The following GATAD2A variants were observed in gnomAD, a reference collection of about 807,000 sequenced individuals.
GATAD2A encodes the protein transcriptional repressor p66-alpha.
A neutral mutation model predicts 68.5 loss-of-function variants in GATAD2A; 12 were observed. The observed-to-expected ratio is 0.18, with a 90% CI of 0.11 to 0.28. The LOEUF is 0.28. Among genes scored for constraint, GATAD2A ranks in the 10% least tolerant of loss-of-function variants. The pLI, the probability that GATAD2A is intolerant of heterozygous loss-of-function variation, is 1.00. For missense variants in GATAD2A, 755 were observed against 868.5 expected (o/e 0.87, Z 1.64); for synonymous variants, 410 against 375.3 (o/e 1.09, Z -1.07).
At chr19:19,418,804 T>TG (rs1225285121) in intron 1 of GATAD2A, among the ~76,000 whole-genome samples, 1 of 152,128 alleles carries the variant, frequency 6.6e-6, no homozygotes, top group Non-Finnish European at 1.5e-5. Context: ...GGTGTCCCGC[T>TG]GTGACACTGG....
intron 3 of GATAD2A, 37 bp downstream of exon 3, chr19:19,492,475 T>G: frequency 6.2e-7 from 1 of 1,613,540 alleles, no homozygotes; most frequent in Non-Finnish European, 8.5e-7. Context: ...GGAGCCCCAC[T>G]GTGCCCTTCC....
At chr19:19,499,948 A>C (rs1339253991) in intron 8 of GATAD2A, among the ~76,000 whole-genome samples, 1 of 152,188 alleles carries the variant, frequency 6.6e-6, no homozygotes, top group African/African-American at 2.4e-5. Flanking sequence ...CCTTTTCGAC[A>C]AGGTGATGTC....
chr19:19,468,109 A>G (rs1199068700), intron 2 of GATAD2A, among the ~76,000 whole-genome samples: 1 of 152,240 alleles, frequency 6.6e-6, no homozygotes, highest in African/African-American at 2.4e-5. Context: ...CAATCTGAGA[A>G]GTATTTATGC....
upstream of GATAD2A, among the ~76,000 whole-genome samples, chr19:19,404,324 C>T (rs1198090156): frequency 2.6e-5 from 4 of 151,236 alleles, no homozygotes; most frequent in Admixed American, 6.6e-5. Flanking sequence ...TTCAGGTTTG[C>T]GGTTGAGACC....
intron 1 of GATAD2A, among the ~76,000 whole-genome samples, chr19:19,427,067 A>G (rs996935494): frequency 6.6e-6 from 1 of 151,794 alleles, no homozygotes; most frequent in African/African-American, 2.4e-5. Context: ...GATTGCACCT[A>G]TATGAGGTTC....
At chr19:19,396,799 C>G (rs1028207341) in intron 1 of GATAD2A, among the ~76,000 whole-genome samples, 1 of 152,146 alleles carries the variant, frequency 6.6e-6, no homozygotes, top group Non-Finnish European at 1.5e-5. Flanking sequence ...ACCTCCACCT[C>G]CTGGGTTCAA....
intron 11 of GATAD2A, 25 bp downstream of exon 11, chr19:19,502,551 C>T (rs1307271914): frequency 1.3e-6 from 2 of 1,553,318 alleles, no homozygotes; most frequent in Non-Finnish European, 1.8e-6. Context: ...CAGGGCTCCC[C>T]AGGGGACCTG....
At chr19:19,484,653 C>T (rs2059311982) in intron 2 of GATAD2A, among the ~76,000 whole-genome samples, 1 of 151,326 alleles carries the variant, frequency 6.6e-6, no homozygotes, top group African/African-American at 2.4e-5. Flanking sequence ...CCTGCCTCAG[C>T]CTCCCGAGTA....
In GATAD2A at chr19:19,505,774, T is replaced by G; in HGVS notation, c.*300T>G. The G allele has an allele frequency of 2.2e-6, 1 of 462,668 alleles. No homozygotes were observed. The highest frequency in any genetic ancestry group is 3.8e-6 in the Non-Finnish European group (1 of 265,464). 28.7% of individuals were successfully genotyped at this position (462,668 alleles called of 1,614,324 possible). A position where few individuals can be genotyped will look rare whatever the true frequency, so the allele number is the denominator to read the frequency against. The stretch of plus-strand genomic sequence containing the variant: ...CCGACACCAGCAGAAAAGTGGACCT[T>G]GGGGGCTGGTTCTGCTCCTGGCCCC... On this transcript the variant is annotated 3_prime_UTR_variant, in exon 12 of 12. Transcript: ENST00000683918.
intron 1 of GATAD2A, among the ~76,000 whole-genome samples, chr19:19,454,065 T>C (rs1415755646): frequency 1.3e-5 from 2 of 151,740 alleles, no homozygotes. Context: ...TGGCACAATC[T>C]TGGCTCACCG....
intron 2 of GATAD2A, among the ~76,000 whole-genome samples, chr19:19,480,623 G>T (rs1211043996): frequency 6.6e-6 from 1 of 152,172 alleles, no homozygotes; most frequent in South Asian, 2.1e-4. Flanking sequence ...ACGTTTAATC[G>T]CATTTCATGA....
At chr19:19,447,304 T>TTG (rs1292401972) in intron 1 of GATAD2A, among the ~76,000 whole-genome samples, 1 of 151,096 alleles carries the variant, frequency 6.6e-6, no homozygotes, top group Non-Finnish European at 1.5e-5. Flanking sequence ...AGGAGAGGGG[T>TTG]TGGTTGGACT....
intron 2 of GATAD2A, among the ~76,000 whole-genome samples, chr19:19,477,597 G>A (rs979217860): frequency 1.2e-4 from 19 of 152,148 alleles, no homozygotes; most frequent in African/African-American, 4.3e-4. Flanking sequence ...ACGGTGGTAG[G>A]AGCAGAGACC....
intron 1 of GATAD2A, among the ~76,000 whole-genome samples, chr19:19,406,961 A>C (rs2050348629): frequency 6.6e-6 from 1 of 152,224 alleles, no homozygotes; most frequent in African/African-American, 2.4e-5. Context: ...TGTATAGTTC[A>C]TCCTTATCTT....
chr19:19,394,445 CTTT>C (rs990895981), intron 1 of GATAD2A, among the ~76,000 whole-genome samples: 4 of 132,144 alleles, frequency 3.0e-5, no homozygotes, highest in Non-Finnish European at 6.6e-5. Flanking sequence ...GGGCTTTCCT[CTTT>C]TTTTTTTTTT....
intron 2 of GATAD2A, chr19:19,474,119 G>A: frequency 3.0e-6 from 3 of 985,326 alleles, no homozygotes; most frequent in Non-Finnish European, 2.4e-6. Flanking sequence ...TGGAAAAAAG[G>A]TGTGCATCAC....
At chr19:19,448,623 G>A (rs563824343) in intron 1 of GATAD2A, among the ~76,000 whole-genome samples, 1 of 152,080 alleles carries the variant, frequency 6.6e-6, no homozygotes, top group African/African-American at 2.4e-5. Context: ...TGGGTACCTG[G>A]GATTACAGGC....
intron 1 of GATAD2A, among the ~76,000 whole-genome samples, chr19:19,442,812 A>G (rs937285174): frequency 4.0e-5 from 6 of 151,282 alleles, no homozygotes; most frequent in Non-Finnish European, 7.4e-5. Context: ...ATTGGTGCTT[A>G]AAGGACAAGG....
intron 1 of GATAD2A, among the ~76,000 whole-genome samples, chr19:19,439,153 A>G (rs1156711532): frequency 6.6e-6 from 1 of 152,242 alleles, no homozygotes; most frequent in African/African-American, 2.4e-5. Context: ...CACACAGTCT[A>G]CACACAACTC....
Sources: allele counts gnomAD v4.1 joint callset (sites outside exome capture counted in the v4.1 genomes callset), GRCh38; gene constraint gnomAD v4.1.1; transcripts MANE v1.5; gene names NCBI Gene and HGNC (gene_info 2026-07-23, HGNC 2026-07-21).